Variants in NIBAN1 observed in about 807,000 individuals in gnomAD.
NIBAN1 encodes the protein niban apoptosis regulator 1.
NIBAN1 carries 81 observed loss-of-function variants against 75.1 expected under a neutral mutation model. That is an observed-to-expected ratio of 1.08 (90% CI 0.90 to 1.30). NIBAN1 has a LOEUF of 1.30. Ranked by LOEUF, NIBAN1 falls within the 50% of genes most tolerant of loss-of-function variation. NIBAN1 has a pLI of 0.00. For missense variants in NIBAN1, 1,133 were observed against 1,128.1 expected (o/e 1.00, Z -0.06); for synonymous variants, 436 against 424.8 (o/e 1.03, Z -0.32).
At position 184,805,958 on chromosome 1, in the gene NIBAN1, G is replaced by C. The variant is rs778520957; in HGVS notation, c.1434C>G (p.Leu478=). The change falls in exon 11 of 14, where the codon CTC becomes CTG. Residue 478 remains leucine (L), a synonymous_variant. Coordinates refer to ENST00000367511, the MANE Select transcript of NIBAN1 (RefSeq NM_052966.4). ...KTAVAIEKVK[L]RVLKQYDYDS... The stretch of plus-strand genomic sequence containing the variant: ...AGAACGGTTTTACCTTTAAGACTCG[G>C]AGTTTAACCTTCTCAATGGCAACTG... 1 of 1,613,678 alleles carries C rather than the reference G, an allele frequency of 6.2e-7. No individual in the cohort carries two copies. The highest frequency in any genetic ancestry group is 8.5e-7 in the Non-Finnish European group (1 of 1,179,556).
At position 184,869,753 on chromosome 1, in the gene NIBAN1, G is replaced by A. The variant is rs371437172; in HGVS notation, c.601+14880C>T. On this transcript the variant is annotated intron_variant, in intron 5 of 13. Transcript: ENST00000367511. ...GATGGGTTTTCACCATGTTGGCCAG[G>A]CTAGTCTCAAACTCCTGACCTCAAA... Among the ~76,000 whole-genome samples the A allele has an allele frequency of 1.8e-4, 28 of 152,124 alleles. No homozygotes were observed. The East Asian group carries it at 5.0e-3, about 27-fold the overall frequency.
chr1:184,806,926 C>A (rs926228954), intron 10 of NIBAN1, among the ~76,000 whole-genome samples: 10 of 151,998 alleles, frequency 6.6e-5, no homozygotes, highest in African/African-American at 2.4e-4. Context: ...CACCACCATG[C>A]CCAGCTAATT....
At position 184,890,218 on chromosome 1, in the gene NIBAN1, T is replaced by C. The variant is rs1019581936; in HGVS notation, c.323A>G (p.Tyr108Cys). ...AVESYENKEAYQRGAAPKCRI... is the reference protein window; with the variant it reads ...AVESYENKEACQRGAAPKCRI... ...ACATTTAGGAGCAGCTCCTCTCTGA[T>C]AGGCCTGGGGAGGGAAAGGCACACA... The change falls in exon 4 of 14, where the codon TAT becomes TGT. Residue 108 changes from tyrosine (Y) to cysteine (C), a missense_variant. Transcript: ENST00000367511. The C allele has an allele frequency of 8.7e-6, 14 of 1,612,382 alleles. No homozygotes were observed. Among genetic ancestry groups the C allele is most frequent in the Non-Finnish European group, 1.0e-5 (12 of 1,178,564 alleles).
rs113866673 is a variant in NIBAN1 at position 184,794,516 on chromosome 1, G to A, written c.*461C>T. On this transcript the variant is annotated 3_prime_UTR_variant, in exon 14 of 14. Transcript: ENST00000367511. Reference sequence around the variant, plus strand: ...TGCAGTCTGACTGTGGACAAATGCCGAGTCCTTAAGAGATGGTGAAGTAGG... The same window carrying A: ...TGCAGTCTGACTGTGGACAAATGCCAAGTCCTTAAGAGATGGTGAAGTAGG... The A allele has an allele frequency of 9.0e-5, 21 of 233,380 alleles. No individual in the cohort carries two copies. Among genetic ancestry groups the A allele is most frequent in the African/African-American group, 3.5e-4 (15 of 42,990 alleles). 14.5% of individuals were successfully genotyped at this position (233,380 alleles called of 1,614,324 possible).
intron 5 of NIBAN1, among the ~76,000 whole-genome samples, chr1:184,845,575 AG>A (rs890093867): frequency 2.0e-5 from 3 of 152,176 alleles, no homozygotes; most frequent in African/African-American, 7.2e-5. Context: ...TGGGCAACAT[AG>A]TGAGACCCCC....
intron 5 of NIBAN1, among the ~76,000 whole-genome samples, chr1:184,842,638 A>G (rs1363817206): frequency 2.0e-5 from 3 of 152,070 alleles, no homozygotes; most frequent in Non-Finnish European, 2.9e-5. Context: ...CTGTAATCCT[A>G]GCTACTCTAG....
chr1:184,927,126 G>C (rs1168450793), intron 1 of NIBAN1, among the ~76,000 whole-genome samples: 1 of 151,772 alleles, frequency 6.6e-6, no homozygotes, highest in Non-Finnish European at 1.5e-5. Flanking sequence ...TGTCTGAAAG[G>C]TCAAATATCT....
At chr1:184,961,218 G>T (rs925895920) in intron 1 of NIBAN1, among the ~76,000 whole-genome samples, 7 of 151,582 alleles carry the variant, frequency 4.6e-5, no homozygotes, top group African/African-American at 1.7e-4. Flanking sequence ...ACAGGCGCCT[G>T]CCGCCACGCC....
chr1:184,959,925 T>C (rs1382111630), intron 1 of NIBAN1, among the ~76,000 whole-genome samples: 3 of 152,230 alleles, frequency 2.0e-5, no homozygotes, highest in Non-Finnish European at 4.4e-5. Context: ...TTTACTTGTT[T>C]AATAATTTTC....
chr1:184,879,032 G>C (rs1656306240), intron 5 of NIBAN1, among the ~76,000 whole-genome samples: 1 of 152,180 alleles, frequency 6.6e-6, no homozygotes. Flanking sequence ...CTAACTATGT[G>C]AGGCAAAGAG....
chr1:184,913,007 T>C (rs542055189), intron 1 of NIBAN1, among the ~76,000 whole-genome samples: 66 of 152,148 alleles, frequency 4.3e-4, no homozygotes, highest in African/African-American at 1.5e-3. Context: ...CAAGTGATTA[T>C]GATCCACACT....
chr1:184,830,701 T>C (rs1654973405), intron 6 of NIBAN1, among the ~76,000 whole-genome samples: 1 of 151,192 alleles, frequency 6.6e-6, no homozygotes, highest in Non-Finnish European at 1.5e-5. Flanking sequence ...CTAGGAGATG[T>C]GGAAAAAAAA....
At chr1:184,831,713 G>A in intron 6 of NIBAN1, 134 bp downstream of exon 6, 1 of 657,210 alleles carries the variant, frequency 1.5e-6, no homozygotes, top group Non-Finnish European at 2.7e-6. Context: ...GCAGACATGA[G>A]AGAGATGGTC....
chr1:184,946,465 C>T (rs976062116), intron 1 of NIBAN1, among the ~76,000 whole-genome samples: 1 of 151,712 alleles, frequency 6.6e-6, no homozygotes, highest in Non-Finnish European at 1.5e-5. Flanking sequence ...AGATCTGATT[C>T]TCAAAAAGAG....
chr1:184,909,999 GTATT>G (rs1214351613), intron 1 of NIBAN1, among the ~76,000 whole-genome samples: 1 of 152,150 alleles, frequency 6.6e-6, no homozygotes. Flanking sequence ...AAATCCAATA[GTATT>G]GACTATGTAG....
At chr1:184,909,267 T>C (rs1029506452) in intron 1 of NIBAN1, among the ~76,000 whole-genome samples, 1 of 152,226 alleles carries the variant, frequency 6.6e-6, no homozygotes, top group Non-Finnish European at 1.5e-5. Context: ...TCAGGTTCTA[T>C]GGTGTCTCCT....
intron 1 of NIBAN1, among the ~76,000 whole-genome samples, chr1:184,939,723 C>G (rs1170887882): frequency 6.6e-6 from 1 of 152,126 alleles, no homozygotes; most frequent in Non-Finnish European, 1.5e-5. Context: ...ATACTGATAC[C>G]TACAGAACTG....
intron 6 of NIBAN1, among the ~76,000 whole-genome samples, chr1:184,826,619 C>G (rs1256287021): frequency 1.3e-5 from 2 of 152,100 alleles, no homozygotes; most frequent in African/African-American, 4.8e-5. Flanking sequence ...AGAATTGTCC[C>G]AATTCATCCT....
At position 184,803,572 on chromosome 1, in the gene NIBAN1, C is replaced by G. The variant is rs769290009; in HGVS notation, c.1554+13G>C. ...AAGAAGAGCAAGCTCTTTAGGGTAA[C>G]TCATCCCCTTACTGGTTTGCATGTG... On this transcript the variant is annotated intron_variant, in intron 12 of 13. Transcript: ENST00000367511. 2.5e-6 allele frequency: 4 copies of G among 1,606,530 alleles called. No homozygotes were observed. In the Admixed American group the frequency reaches 6.7e-5, roughly 27 times the overall value.
Sources: allele counts gnomAD v4.1 joint callset (sites outside exome capture counted in the v4.1 genomes callset), GRCh38; gene constraint gnomAD v4.1.1; transcripts MANE v1.5; gene names NCBI Gene and HGNC (gene_info 2026-07-23, HGNC 2026-07-21).